The following CACNA2D3 variants were observed in gnomAD, a reference collection of about 807,000 sequenced individuals.
CACNA2D3 encodes the protein voltage-dependent calcium channel subunit alpha-2/delta-3.
A neutral mutation model predicts 160.6 loss-of-function variants in CACNA2D3; 60 were observed. The ratio of observed to expected loss-of-function variants is 0.37; its 90% CI spans 0.30 to 0.46. The LOEUF (loss-of-function observed/expected upper bound fraction) is 0.46, where lower values mean the gene tolerates loss of function less well. CACNA2D3 is among the 20% of genes least tolerant of loss of function. CACNA2D3 has a pLI of 1.00. For missense variants in CACNA2D3, 1,205 were observed against 1,365.0 expected, an observed-to-expected ratio of 0.88 and a Z score of 1.85; for synonymous variants, 558 against 492.9, an observed-to-expected ratio of 1.13 and a Z score of -1.75.
At chr3:54,580,677 A>G (rs1439688343) in intron 8 of CACNA2D3, among the ~76,000 whole-genome samples, 3 of 152,230 alleles carry the variant, frequency 2.0e-5, no homozygotes, top group African/African-American at 2.4e-5. Context: ...CCGAAGGACC[A>G]GGCATGGGCC....
chr3:54,243,136 T>C (rs1313270669), intron 2 of CACNA2D3, among the ~76,000 whole-genome samples: 1 of 152,186 alleles, frequency 6.6e-6, no homozygotes, highest in Non-Finnish European at 1.5e-5. Flanking sequence ...TTGTACCCCC[T>C]GTCCCCACTC....
At chr3:54,273,414 C>A (rs1702662363) in intron 2 of CACNA2D3, among the ~76,000 whole-genome samples, 1 of 152,184 alleles carries the variant, frequency 6.6e-6, no homozygotes, top group Admixed American at 6.5e-5. Context: ...ATCCTCTGAT[C>A]CCATTCTAGC....
Position 54,470,369 on chromosome 3 carries a change from A to G in CACNA2D3, c.382-33123A>G, listed in dbSNP as rs185769875. 2.7e-3 allele frequency among the ~76,000 whole-genome samples: 408 copies of G among 152,370 alleles called. 1 individual carries two copies. The highest frequency in any genetic ancestry group is 0.014 in the Middle Eastern group (4 of 294). On this transcript the variant is annotated intron_variant, in intron 4 of 37. Transcript: ENST00000474759. ...GAAGGAGAAATAAAATCCTTTACAG[A>G]GAAGCAAATGGTGAGAGATTTTGTC...
chr3:54,539,103 G>C (rs1559507604), intron 5 of CACNA2D3, among the ~76,000 whole-genome samples: 3 of 151,996 alleles, frequency 2.0e-5, no homozygotes, highest in African/African-American at 7.2e-5. Context: ...ATAGCTCCTT[G>C]ACACATCCTG....
intron 5 of CACNA2D3, among the ~76,000 whole-genome samples, chr3:54,534,421 A>G (rs1701854867): frequency 1.3e-5 from 2 of 152,048 alleles, no homozygotes; most frequent in South Asian, 2.1e-4. Flanking sequence ...CTCAGAGCTC[A>G]TTTCCTCCCC....
chr3:54,968,608 T>C lies in CACNA2D3; in HGVS notation c.2511+97T>C, dbSNP rs189284652. The C allele has an allele frequency of 6.0e-6, 5 of 831,988 alleles. No homozygotes were observed. The Admixed American group carries it at 8.6e-5, about 14-fold the overall frequency. The allele number at this position is 831,988 out of a possible 1,614,324, so 51.5% of individuals were successfully genotyped here. On this transcript the variant is annotated intron_variant, in intron 28 of 37. Transcript: ENST00000474759. ...GAGCCTGAAAGTGCCAGATTTCCGATGAATGTTTGTAAAATCAACTGCCGG... is the reference window on the plus strand; with the variant it reads ...GAGCCTGAAAGTGCCAGATTTCCGACGAATGTTTGTAAAATCAACTGCCGG...
intron 4 of CACNA2D3, among the ~76,000 whole-genome samples, chr3:54,440,711 C>T (rs1183446117): frequency 6.6e-6 from 1 of 152,092 alleles, no homozygotes; most frequent in Non-Finnish European, 1.5e-5. Flanking sequence ...TGTTCAATTC[C>T]CACCTATGAG....
At chr3:54,914,870 A>G (rs1435410248) in intron 27 of CACNA2D3, among the ~76,000 whole-genome samples, 3 of 152,228 alleles carry the variant, frequency 2.0e-5, no homozygotes, top group Non-Finnish European at 4.4e-5. Flanking sequence ...TGGAAACAGT[A>G]ATTTCCTGAC....
At chr3:55,063,234 C>A (rs992639650) in intron 35 of CACNA2D3, among the ~76,000 whole-genome samples, 1 of 152,110 alleles carries the variant, frequency 6.6e-6, no homozygotes, top group Non-Finnish European at 1.5e-5. Flanking sequence ...GTGAGAAAGG[C>A]AGAATCATAG....
intron 5 of CACNA2D3, among the ~76,000 whole-genome samples, chr3:54,540,086 G>A (rs1701948659): frequency 6.6e-6 from 1 of 151,982 alleles, no homozygotes; most frequent in Non-Finnish European, 1.5e-5. Context: ...CCTACCAAGT[G>A]AGCCTCATCT....
At chr3:54,138,977 C>T (rs1436976379) in intron 2 of CACNA2D3, among the ~76,000 whole-genome samples, 1 of 152,200 alleles carries the variant, frequency 6.6e-6, no homozygotes, top group African/African-American at 2.4e-5. Flanking sequence ...ACCAGAGAGA[C>T]ACTGGGCTGG....
At chr3:54,321,922 C>CA (rs1214395409) in intron 3 of CACNA2D3, among the ~76,000 whole-genome samples, 47,823 of 100,446 alleles carry the variant, frequency 0.48, 10,535 homozygotes, top group Middle Eastern at 0.56. Flanking sequence ...GAAATCCTTG[C>CA]AAAAAAAAAA....
At chr3:54,728,748 C>T (rs1306983102) in intron 11 of CACNA2D3, among the ~76,000 whole-genome samples, 1 of 152,160 alleles carries the variant, frequency 6.6e-6, no homozygotes, top group Non-Finnish European at 1.5e-5. Context: ...ATAATTTGTC[C>T]TGACTCTGCA....
intron 2 of CACNA2D3, among the ~76,000 whole-genome samples, chr3:54,161,979 A>G (rs111609387): frequency 2.2e-4 from 33 of 152,300 alleles, no homozygotes; most frequent in Non-Finnish European, 4.3e-4. Flanking sequence ...TCTGAGATGT[A>G]TGGAGCCTGG....
intron 3 of CACNA2D3, among the ~76,000 whole-genome samples, chr3:54,332,719 G>A (rs1278297723): frequency 1.3e-5 from 2 of 152,140 alleles, no homozygotes; most frequent in African/African-American, 4.8e-5. Context: ...TTCTTTTCCT[G>A]TCCTGAGCTA....
rs112570742 is a variant in CACNA2D3, at chr3:54,653,681, C to T, written c.1167+11440C>T. ...AGAACATGACAAGACAAGTTAGGAACGAAGCCACTGATGCACGGCTGCTGC... is the reference window on the plus strand; with the variant it reads ...AGAACATGACAAGACAAGTTAGGAATGAAGCCACTGATGCACGGCTGCTGC... On this transcript the variant is annotated intron_variant, in intron 11 of 37. Coordinates refer to ENST00000474759, the MANE Select transcript of CACNA2D3 (RefSeq NM_018398.3). Among the ~76,000 whole-genome samples, 778 of 152,298 alleles carry T rather than the reference C, an allele frequency of 5.1e-3. 8 individuals are homozygous for T. Among genetic ancestry groups the T allele is most frequent in the African/African-American group, 0.018 (736 of 41,560 alleles).
At chr3:54,676,813 G>T (rs1700252342) in intron 11 of CACNA2D3, among the ~76,000 whole-genome samples, 1 of 152,166 alleles carries the variant, frequency 6.6e-6, no homozygotes, top group South Asian at 2.1e-4. Flanking sequence ...GTAGGCAGAG[G>T]AAAGATAGAT....
At chr3:55,018,746 T>A (rs1703382439) in intron 35 of CACNA2D3, among the ~76,000 whole-genome samples, 1 of 152,164 alleles carries the variant, frequency 6.6e-6, no homozygotes, top group Admixed American at 6.5e-5. Flanking sequence ...TGACTGCTAA[T>A]GAGGTTGAGC....
chr3:54,257,153 G>A (rs1702313056), intron 2 of CACNA2D3, among the ~76,000 whole-genome samples: 1 of 152,204 alleles, frequency 6.6e-6, no homozygotes, highest in African/African-American at 2.4e-5. Flanking sequence ...AGCAACTTCT[G>A]AGAATTGATT....
Sources: allele counts gnomAD v4.1 joint callset (sites outside exome capture counted in the v4.1 genomes callset), GRCh38; gene constraint gnomAD v4.1.1; transcripts MANE v1.5; gene names NCBI Gene and HGNC (gene_info 2026-07-23, HGNC 2026-07-21).